PHF21B: variants seen among roughly 807,000 people sequenced by gnomAD.
The protein encoded by PHF21B is PHD finger protein 4.
Under a neutral mutation model 62.2 loss-of-function variants are expected in PHF21B, and 22 were observed. The observed-to-expected ratio is 0.35, with a 90% CI of 0.25 to 0.51. The LOEUF (loss-of-function observed/expected upper bound fraction) is 0.51, where lower values mean the gene tolerates loss of function less well. Among genes scored for constraint, PHF21B ranks in the 20% least tolerant of loss-of-function variants. PHF21B has a pLI of 0.97. For missense variants in PHF21B, 701 were observed against 707.9 expected (o/e 0.99, Z 0.11); for synonymous variants, 341 against 314.7 (o/e 1.08, Z -0.88).
intron 2 of PHF21B, among the ~76,000 whole-genome samples, chr22:44,975,430 T>C (rs1196071294): frequency 1.3e-5 from 2 of 152,110 alleles, no homozygotes; most frequent in East Asian, 3.9e-4. Context: ...AGAAAGTGTA[T>C]GGAGAGCAGG....
At chr22:44,892,842 C>T (rs1231584746) in intron 7 of PHF21B, among the ~76,000 whole-genome samples, 2 of 152,216 alleles carry the variant, frequency 1.3e-5, no homozygotes, top group Non-Finnish European at 2.9e-5. Context: ...TGGTTTCTCC[C>T]TGGGGACATG....
intron 2 of PHF21B, 160 bp downstream of exon 2, chr22:45,008,385 T>G: frequency 1.6e-6 from 1 of 621,234 alleles, no homozygotes; most frequent in Non-Finnish European, 2.4e-6. Context: ...GGCTCTTTCT[T>G]TCCAGGAAAG....
chr22:44,978,761 C>T (rs1355745615), intron 2 of PHF21B, among the ~76,000 whole-genome samples: 1 of 152,218 alleles, frequency 6.6e-6, no homozygotes, highest in Non-Finnish European at 1.5e-5. Context: ...GCCCAATCTC[C>T]TGGCTCCCGT....
At chr22:44,896,522 G>A (rs1177201210) in intron 5 of PHF21B, among the ~76,000 whole-genome samples, 2 of 152,228 alleles carry the variant, frequency 1.3e-5, no homozygotes, top group Non-Finnish European at 2.9e-5. Flanking sequence ...ACTTTAAAGA[G>A]CTAAGGTGCA....
chr22:44,993,289 C>G (rs1459257393), intron 2 of PHF21B, among the ~76,000 whole-genome samples: 1 of 152,178 alleles, frequency 6.6e-6, no homozygotes, highest in Non-Finnish European at 1.5e-5. Context: ...CAGATATAAG[C>G]CCTCAGGTGA....
intron 5 of PHF21B, among the ~76,000 whole-genome samples, chr22:44,912,446 G>A (rs898335813): frequency 3.9e-5 from 6 of 152,118 alleles, no homozygotes; most frequent in East Asian, 1.9e-4. Context: ...ATTATGGCAC[G>A]GGTCTTTCCC....
chr22:44,940,189 C>A (rs2071928956), intron 2 of PHF21B, among the ~76,000 whole-genome samples: 1 of 152,190 alleles, frequency 6.6e-6, no homozygotes, highest in Admixed American at 6.5e-5. Flanking sequence ...TTTTTCCGCA[C>A]CTCCTCTTGG....
At chr22:44,903,338 C>T (rs2071194066) in intron 5 of PHF21B, among the ~76,000 whole-genome samples, 1 of 151,674 alleles carries the variant, frequency 6.6e-6, no homozygotes, top group Non-Finnish European at 1.5e-5. Flanking sequence ...TCTGGAGTCC[C>T]CTACACCACT....
At chr22:44,955,039 C>T (rs907249811) in intron 2 of PHF21B, among the ~76,000 whole-genome samples, 2 of 152,196 alleles carry the variant, frequency 1.3e-5, no homozygotes, top group East Asian at 3.9e-4. Flanking sequence ...CCAGAGCAAC[C>T]ACACTAGGGA....
intron 2 of PHF21B, among the ~76,000 whole-genome samples, chr22:44,992,463 C>T (rs1053647317): frequency 1.3e-5 from 2 of 152,266 alleles, no homozygotes; most frequent in Non-Finnish European, 2.9e-5. Flanking sequence ...TGCTCCACCG[C>T]TGGCTGATGC....
intron 2 of PHF21B, among the ~76,000 whole-genome samples, chr22:44,965,410 C>T (rs1012174895): frequency 6.6e-6 from 1 of 152,084 alleles, no homozygotes; most frequent in Non-Finnish European, 1.5e-5. Flanking sequence ...CACCATCTGT[C>T]CAGCCAGAAC....
chr22:44,883,136 A>T lies in PHF21B; in HGVS notation c.1546T>A (p.Ser516Thr), dbSNP rs776353739. The T allele has an allele frequency of 2.5e-6, 4 of 1,612,622 alleles. No homozygotes were observed. The highest frequency in any genetic ancestry group is 2.2e-5 in the South Asian group (2 of 91,058). ...ACGGTGGGGTGTGTGGCTGCCACTGAGGGCTTGGTCCAGGGCCCGGCCAGC... is the reference window on the plus strand; with the variant it reads ...ACGGTGGGGTGTGTGGCTGCCACTGTGGGCTTGGTCCAGGGCCCGGCCAGC... ...PLLAGPWTKP[S>T]VAATHPTVQH... The change falls in exon 13 of 13, where the codon TCA becomes ACA. Residue 516 changes from serine to threonine, a missense_variant. Coordinates refer to ENST00000313237, the MANE Select transcript of PHF21B (RefSeq NM_138415.5).
At chr22:44,985,750 G>C (rs2147490468) in intron 2 of PHF21B, among the ~76,000 whole-genome samples, 1 of 152,268 alleles carries the variant, frequency 6.6e-6, no homozygotes, top group East Asian at 1.9e-4. Context: ...ATAGGAGGTG[G>C]TCAGTAAATG....
At chr22:44,917,034 T>G (rs1403420991) in intron 3 of PHF21B, among the ~76,000 whole-genome samples, 1 of 152,126 alleles carries the variant, frequency 6.6e-6, no homozygotes, top group East Asian at 1.9e-4. Context: ...CGGCAGGGAC[T>G]GGGAGGGGCT....
At chr22:44,975,168 C>A (rs2072713992) in intron 2 of PHF21B, among the ~76,000 whole-genome samples, 1 of 152,156 alleles carries the variant, frequency 6.6e-6, no homozygotes. Context: ...CTCCTCTCAC[C>A]CCTTCTCCAT....
chr22:44,955,189 A>G (rs2072271811), intron 2 of PHF21B, among the ~76,000 whole-genome samples: 1 of 152,174 alleles, frequency 6.6e-6, no homozygotes, highest in African/African-American at 2.4e-5. Flanking sequence ...CACCAGCCCC[A>G]CTTGCAGACA....
chr22:44,914,541 G>T (rs145510684), intron 4 of PHF21B, among the ~76,000 whole-genome samples: 1 of 152,372 alleles, frequency 6.6e-6, no homozygotes, highest in Non-Finnish European at 1.5e-5. Flanking sequence ...CTGGCCTGAG[G>T]CCATCCAGTC....
chr22:44,934,654 G>C (rs995634851), intron 2 of PHF21B, among the ~76,000 whole-genome samples: 8 of 152,182 alleles, frequency 5.3e-5, no homozygotes, highest in African/African-American at 1.9e-4. Context: ...TCCAAGCCAA[G>C]GGTAACATCA....
intron 12 of PHF21B, among the ~76,000 whole-genome samples, chr22:44,883,769 C>T (rs62232239): frequency 0.3 from 46,008 of 152,002 alleles, 8,554 homozygotes; most frequent in Non-Finnish European, 0.41. Context: ...AGTCCCATAT[C>T]CATCTGCTCT....
Sources: gnomAD v4.1 joint callset for allele counts (sites outside exome capture counted in the v4.1 genomes callset) on GRCh38, gnomAD v4.1.1 for gene constraint, MANE v1.5 for transcripts, NCBI Gene and HGNC (gene_info 2026-07-23, HGNC 2026-07-21) for gene names.